Variants in THRB observed in about 807,000 individuals in gnomAD.
THRB encodes the protein thyroid hormone receptor beta.
A neutral mutation model predicts 47.8 loss-of-function variants in THRB; 12 were observed. The observed-to-expected ratio is 0.25, with a 90% CI of 0.16 to 0.41. The LOEUF (loss-of-function observed/expected upper bound fraction) is 0.41. Among genes scored for constraint, THRB ranks in the 10% least tolerant of loss-of-function variants. The probability of loss-of-function intolerance (pLI) is 1.00; values close to 1 mark genes in which losing one functional copy is unlikely to be tolerated. For missense variants in THRB, 348 were observed against 589.2 expected, an observed-to-expected ratio of 0.59 and a Z score of 4.24; for synonymous variants, 218 against 212.2, an observed-to-expected ratio of 1.03 and a Z score of -0.24.
At chr3:24,278,288 A>G (rs2054147454) in intron 3 of THRB, among the ~76,000 whole-genome samples, 1 of 152,250 alleles carries the variant, frequency 6.6e-6, no homozygotes, top group African/African-American at 2.4e-5. Flanking sequence ...AAGCAGGCAT[A>G]AAGTATGCTA....
intron 1 of THRB, among the ~76,000 whole-genome samples, chr3:24,363,025 A>C (rs2064187421): frequency 6.6e-6 from 1 of 152,116 alleles, no homozygotes; most frequent in Non-Finnish European, 1.5e-5. Flanking sequence ...TCCAAAATTG[A>C]CTATTTTTAT....
chr3:24,144,485 T>C (rs2035850859), intron 7 of THRB: 1 of 152,380 alleles, frequency 6.6e-6, no homozygotes, highest in Admixed American at 6.5e-5. Flanking sequence ...TAATACCCAC[T>C]TCACAGAGTA....
At chr3:24,244,422 C>G (rs2049900228) in intron 3 of THRB, among the ~76,000 whole-genome samples, 1 of 152,134 alleles carries the variant, frequency 6.6e-6, no homozygotes, top group Non-Finnish European at 1.5e-5. Context: ...TTCCTTATCT[C>G]TCATTTGCTG....
intron 1 of THRB, among the ~76,000 whole-genome samples, chr3:24,489,815 G>C (rs545868240): frequency 4.3e-4 from 66 of 152,052 alleles, no homozygotes; most frequent in African/African-American, 1.6e-3. Flanking sequence ...TCAGTGATTT[G>C]GATACTCCCC....
At chr3:24,136,923 G>A (rs995137901) in intron 8 of THRB, among the ~76,000 whole-genome samples, 5 of 152,116 alleles carry the variant, frequency 3.3e-5, no homozygotes, top group Non-Finnish European at 7.3e-5. Context: ...TTTCTCCAAA[G>A]CCCCCACTTC....
At chr3:24,264,413 C>T (rs911418198) in intron 3 of THRB, among the ~76,000 whole-genome samples, 1 of 151,914 alleles carries the variant, frequency 6.6e-6, no homozygotes, top group African/African-American at 2.4e-5. Flanking sequence ...TTTGTTTTTC[C>T]TGAAAAGTTG....
At chr3:24,333,848 A>G (rs925057353) in intron 2 of THRB, among the ~76,000 whole-genome samples, 3 of 152,214 alleles carry the variant, frequency 2.0e-5, no homozygotes, top group Admixed American at 6.5e-5. Flanking sequence ...ATACAGCCTC[A>G]AAGGCTGGAA....
At chr3:24,293,180 T>C (rs933807340) in intron 3 of THRB, among the ~76,000 whole-genome samples, 4 of 152,214 alleles carry the variant, frequency 2.6e-5, no homozygotes. Flanking sequence ...GTATCACGAC[T>C]TCTACAAGCT....
chr3:24,186,167 T>A (rs2042548354), intron 5 of THRB, among the ~76,000 whole-genome samples: 1 of 152,076 alleles, frequency 6.6e-6, no homozygotes, highest in Non-Finnish European at 1.5e-5. Flanking sequence ...GTATTAAGAA[T>A]CTGCACTGGG....
chr3:24,338,881 C>T lies in THRB; in HGVS notation c.-260-1510G>A, dbSNP rs149801901. Among the ~76,000 whole-genome samples the T allele has an allele frequency of 3.3e-4, 50 of 152,224 alleles. 1 individual carries two copies. The highest frequency in any genetic ancestry group is 9.6e-4 in the African/African-American group (40 of 41,542). Reference sequence around the variant, plus strand: ...TATTTTCTTCAATATCTCTCTGCACCGCCCATTTCATAAACCTTCAAGTCC... The same window carrying T: ...TATTTTCTTCAATATCTCTCTGCACTGCCCATTTCATAAACCTTCAAGTCC... On this transcript the variant is annotated intron_variant, in intron 1 of 10. Transcript: ENST00000646209.
At position 24,278,668 on chromosome 3, in the gene THRB, A is replaced by T. The variant is rs139714998; in HGVS notation, c.-43+18558T>A. On this transcript the variant is annotated intron_variant, in intron 3 of 10. Transcript: ENST00000646209. The stretch of plus-strand genomic sequence containing the variant: ...AAATTACTCATCACATGGTATTGAA[A>T]TTATCTTTCTACTTCTCTGTAACTG... 2.6e-3 allele frequency among the ~76,000 whole-genome samples: 393 copies of T among 152,254 alleles called. 9 individuals are homozygous for T. Among genetic ancestry groups the T allele is most frequent in the East Asian group, 0.025 (127 of 5,182 alleles).
intron 5 of THRB, among the ~76,000 whole-genome samples, chr3:24,168,719 T>A: frequency 6.6e-6 from 1 of 151,726 alleles, no homozygotes; most frequent in East Asian, 1.9e-4. Flanking sequence ...GCAGCTTCAC[T>A]ACATATTTCC....
chr3:24,245,146 A>G (rs1461909578), intron 3 of THRB, among the ~76,000 whole-genome samples: 1 of 152,238 alleles, frequency 6.6e-6, no homozygotes, highest in African/African-American at 2.4e-5. Flanking sequence ...TGAGGAGGAC[A>G]CAGTCACTAT....
chr3:24,448,936 G>A (rs755006548), intron 1 of THRB, among the ~76,000 whole-genome samples: 29 of 152,118 alleles, frequency 1.9e-4, no homozygotes, highest in Non-Finnish European at 3.5e-4. Context: ...AGAAAGATGC[G>A]AATTTAGAGA....
At chr3:24,288,598 G>A (rs1340045845) in intron 3 of THRB, among the ~76,000 whole-genome samples, 7 of 152,032 alleles carry the variant, frequency 4.6e-5, no homozygotes, top group Non-Finnish European at 8.8e-5. Flanking sequence ...TGTTTTTACC[G>A]TGTTCCCAGC....
At chr3:24,203,180 C>T (rs964632541) in intron 4 of THRB, among the ~76,000 whole-genome samples, 3 of 152,176 alleles carry the variant, frequency 2.0e-5, no homozygotes, top group African/African-American at 7.2e-5. Flanking sequence ...TGGGAGGCTG[C>T]AGTGGGTGGC....
chr3:24,360,258 T>C (rs1014023104), intron 1 of THRB, among the ~76,000 whole-genome samples: 1 of 152,146 alleles, frequency 6.6e-6, no homozygotes, highest in African/African-American at 2.4e-5. Flanking sequence ...CCAAGAACAC[T>C]GCTGCCCATT....
chr3:24,172,213 C>T (rs554287641), intron 5 of THRB, among the ~76,000 whole-genome samples: 7 of 152,192 alleles, frequency 4.6e-5, no homozygotes, highest in African/African-American at 1.2e-4. Context: ...GCTTAAGGCA[C>T]GGATACATAA....
At chr3:24,137,449 G>A (rs2034822465) in intron 8 of THRB, among the ~76,000 whole-genome samples, 1 of 152,176 alleles carries the variant, frequency 6.6e-6, no homozygotes, top group Non-Finnish European at 1.5e-5. Context: ...ATAATACATG[G>A]GGAGGCAGGA....
Sources: gnomAD v4.1 joint callset for allele counts (sites outside exome capture counted in the v4.1 genomes callset) on GRCh38, gnomAD v4.1.1 for gene constraint, MANE v1.5 for transcripts, NCBI Gene and HGNC (gene_info 2026-07-23, HGNC 2026-07-21) for gene names.